Variants in KLF12 observed in about 807,000 individuals in gnomAD.
KLF12 encodes the protein KLF transcription factor 12.
In KLF12, 9 loss-of-function variants were observed where a neutral mutation model predicts 37.8. The ratio of observed to expected loss-of-function variants is 0.24; its 90% CI spans 0.14 to 0.42. The LOEUF (loss-of-function observed/expected upper bound fraction) is 0.42. KLF12 is among the 10% of genes least tolerant of loss of function. The pLI is 1.00. For synonymous variants in KLF12, 208 were observed against 202.1 expected, an observed-to-expected ratio of 1.03 and a Z score of -0.25; for missense variants, 411 against 516.0, an observed-to-expected ratio of 0.80 and a Z score of 1.97.
chr13:74,030,218 C>G (rs899458355), intron 1 of KLF12, among the ~76,000 whole-genome samples: 6 of 152,046 alleles, frequency 3.9e-5, no homozygotes, highest in Non-Finnish European at 5.9e-5. Context: ...AGCCAGGACT[C>G]ACTAGAAGAA....
intron 1 of KLF12, among the ~76,000 whole-genome samples, chr13:74,130,918 T>G (rs928144406): frequency 3.3e-5 from 5 of 152,234 alleles, no homozygotes; most frequent in African/African-American, 1.2e-4. Context: ...GTGATCATTG[T>G]AATATTATTA....
intron 5 of KLF12, among the ~76,000 whole-genome samples, chr13:73,799,249 T>C (rs1461016784): frequency 6.6e-6 from 1 of 151,866 alleles, no homozygotes; most frequent in African/African-American, 2.4e-5. Flanking sequence ...GACACTGGGG[T>C]CTACCTGAAG....
the KLF12 span, among the ~76,000 whole-genome samples, chr13:74,145,877 GC>G: frequency 6.6e-6 from 1 of 152,080 alleles, no homozygotes; most frequent in Non-Finnish European, 1.5e-5. Flanking sequence ...AAACCTATAT[GC>G]AAAATGTAGT....
At chr13:73,930,728 T>C (rs1466475517) in intron 3 of KLF12, among the ~76,000 whole-genome samples, 3 of 152,168 alleles carry the variant, frequency 2.0e-5, no homozygotes, top group Non-Finnish European at 4.4e-5. Flanking sequence ...AATATCAATG[T>C]TTTGATTTTA....
At chr13:74,000,653 A>G (rs1892254470) in intron 1 of KLF12, among the ~76,000 whole-genome samples, 1 of 152,238 alleles carries the variant, frequency 6.6e-6, no homozygotes, top group African/African-American at 2.4e-5. Context: ...AAGCTTGAGC[A>G]GTCACTTAAG....
the KLF12 span, among the ~76,000 whole-genome samples, chr13:74,230,226 C>T: frequency 6.6e-6 from 1 of 152,022 alleles, no homozygotes; most frequent in African/African-American, 2.4e-5. Flanking sequence ...AAGGAGCTTC[C>T]CCCTTCACTT....
intron 5 of KLF12, among the ~76,000 whole-genome samples, chr13:73,803,628 C>G (rs2325565): frequency 6.6e-6 from 1 of 151,862 alleles, no homozygotes; most frequent in East Asian, 1.9e-4. Context: ...TTAAGCACCA[C>G]GAGATCAGTG....
At chr13:74,288,125 G>T in the KLF12 span, among the ~76,000 whole-genome samples, 1 of 152,096 alleles carries the variant, frequency 6.6e-6, no homozygotes. Flanking sequence ...TCAGAGTTCA[G>T]ATAAAAAGGG....
At chr13:74,211,685 C>G in the KLF12 span, among the ~76,000 whole-genome samples, 3 of 152,078 alleles carry the variant, frequency 2.0e-5, no homozygotes, top group African/African-American at 4.8e-5. Flanking sequence ...TTAGTTGGTT[C>G]TAGAGAACAA....
intron 1 of KLF12, among the ~76,000 whole-genome samples, chr13:74,039,571 TAAAAAG>T (rs1893348207): frequency 6.6e-6 from 1 of 151,890 alleles, no homozygotes; most frequent in African/African-American, 2.4e-5. Context: ...GTTTAAAAAC[TAAAAAG>T]AAAAACATAA....
At chr13:74,287,008 A>T in the KLF12 span, among the ~76,000 whole-genome samples, 1 of 152,222 alleles carries the variant, frequency 6.6e-6, no homozygotes, top group Non-Finnish European at 1.5e-5. Context: ...TAGCCTCTCA[A>T]AAATATTTTA....
At chr13:73,836,003 A>G (rs1416758997) in intron 4 of KLF12, among the ~76,000 whole-genome samples, 1 of 152,148 alleles carries the variant, frequency 6.6e-6, no homozygotes, top group Non-Finnish European at 1.5e-5. Flanking sequence ...TAAATTGCCC[A>G]TAAAACATTT....
At chr13:73,991,206 G>A (rs1229622354) in intron 2 of KLF12, among the ~76,000 whole-genome samples, 2 of 152,110 alleles carry the variant, frequency 1.3e-5, no homozygotes, top group Non-Finnish European at 2.9e-5. Flanking sequence ...TCATTATCAA[G>A]TCTATTGATG....
At chr13:73,954,258 G>A (rs951326451) in intron 2 of KLF12, among the ~76,000 whole-genome samples, 7 of 151,960 alleles carry the variant, frequency 4.6e-5, no homozygotes, top group African/African-American at 1.5e-4. Context: ...GATTACAGAC[G>A]AAACCCACCG....
chr13:73,803,290 T>C (rs751409132), intron 5 of KLF12, among the ~76,000 whole-genome samples: 1 of 152,198 alleles, frequency 6.6e-6, no homozygotes, highest in Non-Finnish European at 1.5e-5. Context: ...GTCAGTGAAA[T>C]TGTTCATTTA....
At chr13:74,140,786 G>A in the KLF12 span, among the ~76,000 whole-genome samples, 32 of 152,086 alleles carry the variant, frequency 2.1e-4, no homozygotes, top group Admixed American at 4.6e-4. Flanking sequence ...GGGTGCGGTG[G>A]CTCATGCCTG....
At chr13:73,753,406 C>T (rs535578891) in intron 6 of KLF12, among the ~76,000 whole-genome samples, 20 of 152,272 alleles carry the variant, frequency 1.3e-4, no homozygotes, top group African/African-American at 4.6e-4. Context: ...TCTGGCCAAA[C>T]CCCTTGGATT....
At chr13:73,727,147 T>A (rs575935977) in intron 6 of KLF12, among the ~76,000 whole-genome samples, 19 of 152,312 alleles carry the variant, frequency 1.2e-4, no homozygotes, top group African/African-American at 4.6e-4. Context: ...GTTGTAAGAT[T>A]TCTTTATATA....
At chr13:74,229,221 G>A in the KLF12 span, among the ~76,000 whole-genome samples, 1 of 152,170 alleles carries the variant, frequency 6.6e-6, no homozygotes, top group African/African-American at 2.4e-5. Flanking sequence ...TGTCACTTTT[G>A]TGTGAAATTA....
Sources: gnomAD v4.1 joint callset for allele counts (sites outside exome capture counted in the v4.1 genomes callset) on GRCh38, gnomAD v4.1.1 for gene constraint, MANE v1.5 for transcripts, NCBI Gene and HGNC (gene_info 2026-07-23, HGNC 2026-07-21) for gene names.